ATP2C2: variants seen among roughly 807,000 people sequenced by gnomAD.
ATP2C2 encodes the protein calcium-transporting ATPase type 2C member 2.
ATP2C2 carries 171 observed loss-of-function variants against 110.8 expected under a neutral mutation model. The ratio of observed to expected loss-of-function variants is 1.54; its 90% CI spans 1.36 to 1.75. ATP2C2 has a LOEUF of 1.75. ATP2C2 is among the 40% of genes most tolerant of loss of function. The pLI is 0.00. For missense variants in ATP2C2, 1,963 were observed against 1,235.0 expected (o/e 1.59, Z -8.84); for synonymous variants, 804 against 508.4 (o/e 1.58, Z -7.82).
chr16:84,426,129 C>G (rs556373898), intron 11 of ATP2C2: 2 of 267,794 alleles, frequency 7.5e-6, no homozygotes, highest in South Asian at 9.6e-5. Flanking sequence ...ACAGGCCGTA[C>G]AGGAAGCATG....
At chr16:84,434,012 C>T (rs1315582923) in intron 11 of ATP2C2, among the ~76,000 whole-genome samples, 1 of 152,128 alleles carries the variant, frequency 6.6e-6, no homozygotes, top group Non-Finnish European at 1.5e-5. Flanking sequence ...CAGATTAAAG[C>T]CGCTGAAAGC....
At chr16:84,395,991 C>G (rs531919196) in intron 1 of ATP2C2, among the ~76,000 whole-genome samples, 18 of 152,278 alleles carry the variant, frequency 1.2e-4, no homozygotes, top group Non-Finnish European at 1.9e-4. Flanking sequence ...CTCCCCAGCC[C>G]GGTTACCTCT....
chr16:84,445,353 C>G (rs1285583504), intron 15 of ATP2C2, among the ~76,000 whole-genome samples: 1 of 151,996 alleles, frequency 6.6e-6, no homozygotes, highest in Non-Finnish European at 1.5e-5. Flanking sequence ...GGACTACAGG[C>G]GCCTGCCACC....
chr16:84,446,815 G>A (rs1909793471), intron 16 of ATP2C2, among the ~76,000 whole-genome samples: 1 of 152,180 alleles, frequency 6.6e-6, no homozygotes, highest in Non-Finnish European at 1.5e-5. Flanking sequence ...CTGTAATCCA[G>A]TGACTGAGGC....
chr16:84,420,072 C>T (rs922650752), intron 7 of ATP2C2, among the ~76,000 whole-genome samples: 2 of 152,160 alleles, frequency 1.3e-5, no homozygotes, highest in African/African-American at 4.8e-5. Context: ...AACCCTCCCC[C>T]AGCACATGTG....
At chr16:84,408,626 G>A in intron 4 of ATP2C2, 132 bp downstream of exon 4, 1 of 699,312 alleles carries the variant, frequency 1.4e-6, no homozygotes, top group Non-Finnish European at 2.3e-6. Context: ...AAGAAAGAAA[G>A]GAAAGCAAAT....
intron 3 of ATP2C2, 108 bp from the exon 4 acceptor site, chr16:84,408,297 G>A (rs1597781705): frequency 1.9e-6 from 2 of 1,037,142 alleles, no homozygotes; most frequent in South Asian, 2.7e-5. Flanking sequence ...TGACCTGGAA[G>A]CCTGGCCCTG....
At chr16:84,448,507 G>C (rs1411008764) in intron 16 of ATP2C2, 26 bp from the exon 17 acceptor site, 20 of 1,594,924 alleles carry the variant, frequency 1.3e-5, no homozygotes, top group Non-Finnish European at 1.7e-5. Context: ...AGTGATAGTG[G>C]ATTTCTTCCC....
At chr16:84,459,899 G>A (rs28404462) in intron 23 of ATP2C2, 1 of 325,518 alleles carries the variant, frequency 3.1e-6, no homozygotes, top group Non-Finnish European at 5.9e-6. Context: ...TAGGTGCTCA[G>A]GAGTCCACCC....
intron 11 of ATP2C2, among the ~76,000 whole-genome samples, chr16:84,428,793 A>C (rs368508881): frequency 3.9e-5 from 6 of 152,222 alleles, no homozygotes; most frequent in Non-Finnish European, 8.8e-5. Flanking sequence ...AAAGAAGAAC[A>C]AGAAAAAAAG....
At chr16:84,404,796 A>G (rs945760693) in intron 2 of ATP2C2, 1 of 352,430 alleles carries the variant, frequency 2.8e-6, no homozygotes, top group Non-Finnish European at 5.4e-6. Flanking sequence ...GCACCATTTT[A>G]CATTCCCAAG....
At chr16:84,384,707 G>A (rs558614547) in intron 1 of ATP2C2, among the ~76,000 whole-genome samples, 2 of 152,292 alleles carry the variant, frequency 1.3e-5, no homozygotes, top group Admixed American at 1.3e-4. Context: ...TTTGCTGAAT[G>A]GTGATTTTCT....
chr16:84,439,562 C>T, intron 13 of ATP2C2, 38 bp downstream of exon 13: 1 of 1,573,370 alleles, frequency 6.4e-7, no homozygotes, highest in African/African-American at 1.3e-5. Context: ...TAAGGATGCA[C>T]CCAGCCAGGC....
intron 1 of ATP2C2, among the ~76,000 whole-genome samples, chr16:84,393,487 C>T (rs568057540): frequency 4.0e-4 from 61 of 152,124 alleles, no homozygotes; most frequent in Middle Eastern, 3.4e-3. Flanking sequence ...CTTGAAACAC[C>T]GAAATGACCT....
rs58340071 is a variant in ATP2C2, at chr16:84,379,540, C to G, written c.99+10826C>G. On this transcript the variant is annotated intron_variant, in intron 1 of 26. Transcript: ENST00000262429. ...AGTGTGAGCATCACCTGGGAGCTTG[C>G]CAGAAATGCAGAATCTCAGGTTCCA... is the stretch of plus-strand genomic sequence containing the variant. Among the ~76,000 whole-genome samples the G allele has an allele frequency of 4.7e-3, 717 of 152,254 alleles. 8 individuals are homozygous for G. The highest frequency in any genetic ancestry group is 0.016 in the African/African-American group (680 of 41,542).
chr16:84,405,383 ATCAG>A, intron 3 of ATP2C2, 139 bp downstream of exon 3: 1 of 709,726 alleles, frequency 1.4e-6, no homozygotes, highest in East Asian at 2.7e-5. Flanking sequence ...CAGCCTGAGC[ATCAG>A]TCATGAGCAA....
intron 7 of ATP2C2, among the ~76,000 whole-genome samples, chr16:84,420,459 T>A (rs1907229388): frequency 7.0e-6 from 1 of 142,964 alleles, no homozygotes; most frequent in African/African-American, 2.6e-5. Flanking sequence ...ATCTTTGATC[T>A]CTCCCTTTCT....
intron 11 of ATP2C2, among the ~76,000 whole-genome samples, chr16:84,432,622 A>T (rs578027465): frequency 4.0e-5 from 6 of 151,818 alleles, no homozygotes; most frequent in African/African-American, 7.3e-5. Flanking sequence ...CTGGGTTCAA[A>T]CTATTCTCCT....
At chr16:84,455,077 G>C (rs1166344881) in intron 21 of ATP2C2, 93 bp downstream of exon 21, 4 of 1,493,156 alleles carry the variant, frequency 2.7e-6, no homozygotes, top group South Asian at 1.2e-5. Flanking sequence ...TAGAGGGGGG[G>C]GTCTCGCGGA....
Sources: allele counts gnomAD v4.1 joint callset (sites outside exome capture counted in the v4.1 genomes callset), GRCh38; gene constraint gnomAD v4.1.1; transcripts MANE v1.5; gene names NCBI Gene and HGNC (gene_info 2026-07-23, HGNC 2026-07-21).